PPM1H: variants seen among roughly 807,000 people sequenced by gnomAD.
The protein encoded by PPM1H is protein phosphatase, Mg2+/Mn2+ dependent 1H.
Under a neutral mutation model 54.9 loss-of-function variants are expected in PPM1H, and 27 were observed. The ratio of observed to expected loss-of-function variants is 0.49; its 90% CI spans 0.36 to 0.68. PPM1H has a LOEUF of 0.68. Ranked by LOEUF, PPM1H falls within the 30% of genes least tolerant of loss-of-function variation. PPM1H has a pLI of 0.00. For synonymous variants in PPM1H, 305 were observed against 270.8 expected, an observed-to-expected ratio of 1.13 and a Z score of -1.24; for missense variants, 596 against 667.8, an observed-to-expected ratio of 0.89 and a Z score of 1.19.
chr12:62,867,454 T>C (rs1311996167), intron 1 of PPM1H, among the ~76,000 whole-genome samples: 1 of 151,610 alleles, frequency 6.6e-6, no homozygotes, highest in African/African-American at 2.4e-5. Context: ...CATAGACCCA[T>C]ATTAGTGCTA....
chr12:62,885,712 T>A (rs1870563834), intron 1 of PPM1H, among the ~76,000 whole-genome samples: 1 of 152,240 alleles, frequency 6.6e-6, no homozygotes, highest in Non-Finnish European at 1.5e-5. Flanking sequence ...CGTTAACAAC[T>A]GTGGAAACAG....
chr12:62,851,378 T>C (rs1030765808), intron 1 of PPM1H, among the ~76,000 whole-genome samples: 1 of 152,122 alleles, frequency 6.6e-6, no homozygotes, highest in Admixed American at 6.5e-5. Flanking sequence ...AATCCCTAAA[T>C]CTACAGTGCT....
At position 62,802,029 on chromosome 12, in the gene PPM1H, C is replaced by T. The variant is rs780015344; in HGVS notation, c.543G>A (p.Leu181=). The part of the protein sequence containing the change: ...TEQLQDIVDI[L]KNSAVLPPTC... ...TAGGGGGCAGGACGGCGGAGTTCTT[C>T]AGGATGTCCACGATGTCCTGCAGCT... The change falls in exon 3 of 10, where the codon CTG becomes CTA. Residue 181 remains leucine (L), a synonymous_variant. Coordinates refer to ENST00000228705, the MANE Select transcript of PPM1H (RefSeq NM_020700.2). 66 of 1,613,404 alleles carry T rather than the reference C, an allele frequency of 4.1e-5. No individual in the cohort carries two copies. Among genetic ancestry groups the T allele is most frequent in the Non-Finnish European group, 5.5e-5 (65 of 1,179,802 alleles).
At chr12:62,919,072 A>G (rs905168736) in intron 1 of PPM1H, among the ~76,000 whole-genome samples, 23 of 152,248 alleles carry the variant, frequency 1.5e-4, no homozygotes, top group African/African-American at 5.5e-4. Context: ...CCAAAGGGTC[A>G]AACTCTGCTA....
chr12:62,763,642 C>T (rs73314551), intron 4 of PPM1H, among the ~76,000 whole-genome samples: 5,781 of 152,264 alleles, frequency 0.038, 123 homozygotes, highest in African/African-American at 0.058. Context: ...TAATGTGACT[C>T]TAAAACTTAT....
chr12:62,685,488 A>C (rs1192037291), intron 8 of PPM1H, among the ~76,000 whole-genome samples: 1 of 152,240 alleles, frequency 6.6e-6, no homozygotes, highest in Admixed American at 6.5e-5. Flanking sequence ...CTTGCTACTT[A>C]TTAACTGTAT....
chr12:62,848,515 G>C (rs1360645008), intron 1 of PPM1H, among the ~76,000 whole-genome samples: 1 of 152,190 alleles, frequency 6.6e-6, no homozygotes, highest in Non-Finnish European at 1.5e-5. Flanking sequence ...GTGCCTATGA[G>C]TCATCTGGAG....
In PPM1H at chr12:62,755,624, G is replaced by T. The variant is rs1233807335; in HGVS notation, c.870-18038C>A. ...GCTGACACCCCCATGTCTGTGATGG[G>T]CATGAAGCATGAGAAGTAATGACAA... On this transcript the variant is annotated intron_variant, in intron 4 of 9. Transcript: ENST00000228705. The T allele has an allele frequency of 1.7e-5, 11 of 652,252 alleles. No individual in the cohort carries two copies. In the East Asian group the frequency reaches 2.9e-4, roughly 17 times the overall value. The allele number at this position is 652,252 out of a possible 1,614,324, so 40.4% of individuals were successfully genotyped here.
intron 4 of PPM1H, among the ~76,000 whole-genome samples, chr12:62,759,965 C>T (rs1362393057): frequency 2.0e-5 from 3 of 152,176 alleles, no homozygotes; most frequent in African/African-American, 4.8e-5. Context: ...CTACCCTTCT[C>T]TTTAAACTTG....
intron 1 of PPM1H, among the ~76,000 whole-genome samples, chr12:62,889,267 G>T (rs534886422): frequency 6.6e-6 from 1 of 152,038 alleles, no homozygotes; most frequent in Non-Finnish European, 1.5e-5. Flanking sequence ...CTGACAAACT[G>T]ATCCTAAAGT....
At chr12:62,794,502 A>G (rs77551604) in intron 3 of PPM1H, among the ~76,000 whole-genome samples, 2,634 of 152,024 alleles carry the variant, frequency 0.017, 84 homozygotes, top group African/African-American at 0.06. Flanking sequence ...AAATATTGCC[A>G]TTTTCTTCCC....
At chr12:62,799,304 C>G (rs2076752661) in intron 3 of PPM1H, among the ~76,000 whole-genome samples, 1 of 152,184 alleles carries the variant, frequency 6.6e-6, no homozygotes, top group South Asian at 2.1e-4. Flanking sequence ...AGTCCTGAGT[C>G]AATGTGACAT....
intron 5 of PPM1H, among the ~76,000 whole-genome samples, chr12:62,726,757 A>C (rs2076291966): frequency 1.3e-5 from 2 of 152,216 alleles, no homozygotes; most frequent in South Asian, 4.1e-4. Context: ...GGCTAGAATT[A>C]CTTCATTTGT....
chr12:62,843,724 TAAAAAGTACTTTTTAA>T (rs1169010008), intron 1 of PPM1H, among the ~76,000 whole-genome samples: 14 of 152,208 alleles, frequency 9.2e-5, no homozygotes, highest in Non-Finnish European at 1.9e-4. Flanking sequence ...CAGTCTTTTT[TAAAAAGTACTTTTTAA>T]AAAAAGTACT....
At chr12:62,859,734 C>T in intron 1 of PPM1H, among the ~76,000 whole-genome samples, 1 of 152,042 alleles carries the variant, frequency 6.6e-6, no homozygotes, top group East Asian at 1.9e-4. Flanking sequence ...GACACCAGTG[C>T]TTGCCACCAG....
chr12:62,873,733 A>T (rs1046546362), intron 1 of PPM1H, among the ~76,000 whole-genome samples: 3 of 152,208 alleles, frequency 2.0e-5, no homozygotes, highest in African/African-American at 7.2e-5. Flanking sequence ...GCTGTGTAAA[A>T]GTTTGTGGGG....
At chr12:62,828,113 T>A (rs540937245) in intron 2 of PPM1H, among the ~76,000 whole-genome samples, 21 of 152,284 alleles carry the variant, frequency 1.4e-4, no homozygotes, top group African/African-American at 5.1e-4. Flanking sequence ...CACCATCCTT[T>A]CCTAAGTGCT....
chr12:62,931,729 T>C (rs1872140987), intron 1 of PPM1H, among the ~76,000 whole-genome samples: 1 of 152,198 alleles, frequency 6.6e-6, no homozygotes, highest in Non-Finnish European at 1.5e-5. Flanking sequence ...TATTCTCAAC[T>C]ATAATATGGA....
At chr12:62,774,477 G>C (rs540078499) in intron 4 of PPM1H, among the ~76,000 whole-genome samples, 6 of 152,268 alleles carry the variant, frequency 3.9e-5, no homozygotes, top group Middle Eastern at 3.4e-3. Context: ...CAGTAGCTGG[G>C]ACTACAGGTG....
Sources: gnomAD v4.1 joint callset for allele counts (sites outside exome capture counted in the v4.1 genomes callset) on GRCh38, gnomAD v4.1.1 for gene constraint, MANE v1.5 for transcripts, NCBI Gene and HGNC (gene_info 2026-07-23, HGNC 2026-07-21) for gene names.